The following PREPL variants were observed in gnomAD, a reference collection of about 807,000 sequenced individuals.
PREPL encodes prolyl endopeptidase like.
In PREPL, 77 loss-of-function variants were observed where a neutral mutation model predicts 70.6. That is an observed-to-expected ratio of 1.09 (90% confidence interval 0.91 to 1.32). PREPL has a LOEUF of 1.32. Ranked by LOEUF, PREPL falls within the 40% of genes most tolerant of loss-of-function variation. The pLI is 0.00. For missense variants in PREPL, 1,002 were observed against 778.2 expected (o/e 1.29, Z -3.42); for synonymous variants, 315 against 264.8 (o/e 1.19, Z -1.84).
chr2:44,328,078 G>C (rs1006646438), intron 9 of PREPL, among the ~76,000 whole-genome samples: 1 of 151,558 alleles, frequency 6.6e-6, no homozygotes, highest in Non-Finnish European at 1.5e-5. Context: ...TTGAGGTCAG[G>C]AGTTCGAGAC....
At chr2:44,352,963 C>G (rs1245830475) in intron 1 of PREPL, among the ~76,000 whole-genome samples, 1 of 152,182 alleles carries the variant, frequency 6.6e-6, no homozygotes, top group Non-Finnish European at 1.5e-5. Context: ...AAGATGCTCA[C>G]TGGCCATGAG....
At chr2:44,351,417 A>G (rs1012115741) in intron 1 of PREPL, among the ~76,000 whole-genome samples, 1 of 151,980 alleles carries the variant, frequency 6.6e-6, no homozygotes, top group African/African-American at 2.4e-5. Flanking sequence ...GAACTTGTAT[A>G]TCCAACTGAC....
Position 44,322,724 on chromosome 2 carries a change from C to T in PREPL, c.1753+7G>A, listed in dbSNP as rs768510947. ...GCCATGTTCCCTGCTTCTAGGGGGT[C>T]TCCTACCTTCACCTGTGTCCTTAGC... On this transcript the variant is annotated splice_region_variant and intron_variant, in intron 12 of 13. Coordinates refer to ENST00000409411, the MANE Select transcript of PREPL (RefSeq NM_001171613.2). 6.2e-7 allele frequency: 1 copy of T among 1,612,200 alleles called. No homozygotes were observed. The highest frequency in any genetic ancestry group is 1.1e-5 in the South Asian group (1 of 90,894).
Position 44,322,107 on chromosome 2 carries a change from G to A in PREPL, c.1754-207C>T, listed in dbSNP as rs145030129. ...GACACAGCGAAAGCAGGAAGAGGCC[G>A]TATGGAAAAGACTATATGGTGCCAC... On this transcript the variant is annotated intron_variant, in intron 12 of 13. Coordinates refer to ENST00000409411, the MANE Select transcript of PREPL (RefSeq NM_001171613.2). Among the ~76,000 whole-genome samples, 91 of 152,240 alleles carry A rather than the reference G, an allele frequency of 6.0e-4. 1 individual carries two copies. The East Asian group carries it at 6.2e-3, about 10-fold the overall frequency.
intron 13 of PREPL, 131 bp from the exon 14 acceptor site, chr2:44,321,576 CGA>C: frequency 3.3e-6 from 5 of 1,494,974 alleles, no homozygotes; most frequent in Middle Eastern, 1.9e-4. Context: ...TACTTTCATT[CGA>C]GAGAGAGGCA....
At chr2:44,324,300 A>C (rs1673276748) in intron 10 of PREPL, among the ~76,000 whole-genome samples, 1 of 152,212 alleles carries the variant, frequency 6.6e-6, no homozygotes, top group African/African-American at 2.4e-5. Context: ...AGTTTTGTTA[A>C]GATGAAAAAC....
At chr2:44,328,909 A>G (rs1363218226) in intron 9 of PREPL, 28 bp downstream of exon 9, 1 of 1,594,782 alleles carries the variant, frequency 6.3e-7, no homozygotes, top group African/African-American at 1.3e-5. Context: ...TCTAGCACTT[A>G]CATGCCAGGT....
intron 5 of PREPL, among the ~76,000 whole-genome samples, chr2:44,342,131 G>A (rs1297900748): frequency 6.6e-6 from 1 of 152,100 alleles, no homozygotes; most frequent in Non-Finnish European, 1.5e-5. Flanking sequence ...TCACAATCTA[G>A]CAGTTCTAGG....
chr2:44,322,992 G>A (rs141397077), intron 11 of PREPL, 138 bp from the exon 12 acceptor site: 55 of 1,202,844 alleles, frequency 4.6e-5, no homozygotes, highest in East Asian at 2.6e-4. Context: ...TCTTGAGAGC[G>A]CCTCAGTATT....
At position 44,320,635 on chromosome 2, in the gene PREPL, G is replaced by T; in HGVS notation, c.*721C>A. ...GTACTGAACATACTGTATACCTCGTGTTAGGCACCTTTATGAAGAGATGAA... is the reference window on the plus strand; with the variant it reads ...GTACTGAACATACTGTATACCTCGTTTTAGGCACCTTTATGAAGAGATGAA... On this transcript the variant is annotated 3_prime_UTR_variant, in exon 14 of 14. Coordinates refer to ENST00000409411, the MANE Select transcript of PREPL (RefSeq NM_001171613.2). 1 of 1,613,060 alleles carries T rather than the reference G, an allele frequency of 6.2e-7. No homozygotes were observed. Among genetic ancestry groups the T allele is most frequent in the Non-Finnish European group, 8.5e-7 (1 of 1,179,146 alleles).
intron 8 of PREPL, 139 bp downstream of exon 8, chr2:44,332,320 A>G (rs1255142691): frequency 1.2e-5 from 8 of 685,244 alleles, no homozygotes; most frequent in Non-Finnish European, 1.4e-5. Flanking sequence ...ACCTATCCCT[A>G]AAGTCACTTG....
In PREPL at chr2:44,318,197, T is replaced by G; in HGVS notation, c.*3159A>C. ...CCTCTGCTTCCTGGGTTCAAGTGAT[T>G]CTCCTGCTGCAGCCTCCCAAGTAGC... is the stretch of plus-strand genomic sequence containing the variant. On this transcript the variant is annotated 3_prime_UTR_variant, in exon 14 of 14. Transcript: ENST00000409411. 1 of 410,080 alleles carries G rather than the reference T, an allele frequency of 2.4e-6. No homozygotes were observed. The highest frequency in any genetic ancestry group is 2.1e-5 in the African/African-American group (1 of 46,754). 25.4% of individuals were successfully genotyped at this position (410,080 alleles called of 1,614,324 possible).
Position 44,329,088 on chromosome 2 carries a change from C to G in PREPL, c.1111G>C (p.Val371Leu). 1 of 1,604,014 alleles carries G rather than the reference C, an allele frequency of 6.2e-7. No homozygotes were observed. The highest frequency in any genetic ancestry group is 8.5e-7 in the Non-Finnish European group (1 of 1,171,856). ...SKDGKLVPMT[V>L]FHKTDSEDLQ... ...TCCTCAGAGTCAGTTTTGTGGAAAA[C>G]AGTCATTGGCACTAATTTTCCATCC... Residue 371 changes from valine to leucine, a missense_variant, in exon 9 of 14, where the codon GTT becomes CTT. Val to Leu is a conservative substitution (Grantham distance 32). Coordinates refer to ENST00000409411, the MANE Select transcript of PREPL (RefSeq NM_001171613.2).
intron 2 of PREPL, among the ~76,000 whole-genome samples, chr2:44,345,564 T>C (rs1448176615): frequency 6.6e-6 from 1 of 152,100 alleles, no homozygotes; most frequent in African/African-American, 2.4e-5. Context: ...GCTAGGCTGG[T>C]CTTGAACTCT....
intron 4 of PREPL, 68 bp downstream of exon 4, chr2:44,343,677 C>T: frequency 6.9e-7 from 1 of 1,456,112 alleles, no homozygotes. Flanking sequence ...TCACATGCGA[C>T]AAAAAAATGT....
intron 7 of PREPL, among the ~76,000 whole-genome samples, 191 bp from the exon 8 acceptor site, chr2:44,332,847 A>AGG: frequency 6.6e-6 from 1 of 152,246 alleles, no homozygotes. Flanking sequence ...CTGTACATTA[A>AGG]TGACCAATAA....
Position 44,332,733 on chromosome 2 carries a change from C to T in PREPL, c.889-77G>A, listed in dbSNP as rs962379875. 2.5e-6 allele frequency: 3 copies of T among 1,191,308 alleles called. No homozygotes were observed. The African/African-American group carries it at 4.7e-5, about 19-fold the overall frequency. The allele number at this position is 1,191,308 out of a possible 1,614,324, so 73.8% of individuals were successfully genotyped here. On this transcript the variant is annotated intron_variant, in intron 7 of 13. Transcript: ENST00000409411. ...ATTAATTAAATTTCTAAGTCTTCTC[C>T]AAACAAGATGATGTGGATATCTCGT...
chr2:44,339,913 T>A (rs968890260), intron 5 of PREPL, among the ~76,000 whole-genome samples: 1 of 152,132 alleles, frequency 6.6e-6, no homozygotes, highest in African/African-American at 2.4e-5. Flanking sequence ...CAAAATAGAA[T>A]AGGAAGAAAA....
intron 7 of PREPL, among the ~76,000 whole-genome samples, chr2:44,333,141 TATAAACG>T (rs1674291928): frequency 6.6e-6 from 1 of 152,210 alleles, no homozygotes; most frequent in Non-Finnish European, 1.5e-5. Flanking sequence ...ATTTCAGGGC[TATAAACG>T]GGCTCAGCAG....
Sources: allele counts gnomAD v4.1 joint callset (sites outside exome capture counted in the v4.1 genomes callset), GRCh38; gene constraint gnomAD v4.1.1; transcripts MANE v1.5; gene names NCBI Gene and HGNC (gene_info 2026-07-23, HGNC 2026-07-21).